The following RABGAP1L variants were observed in gnomAD, a reference collection of about 807,000 sequenced individuals.
The protein encoded by RABGAP1L is rab GTPase-activating protein 1-like.
A neutral mutation model predicts 137.7 loss-of-function variants in RABGAP1L; 63 were observed. The ratio of observed to expected loss-of-function variants is 0.46; its 90% CI spans 0.37 to 0.56. The LOEUF is 0.56. Ranked by LOEUF, RABGAP1L falls within the 20% of genes least tolerant of loss-of-function variation. RABGAP1L has a pLI of 0.00. For synonymous variants in RABGAP1L, 431 were observed against 433.7 expected (o/e 0.99, Z 0.08); for missense variants, 1,095 against 1,244.0 (o/e 0.88, Z 1.80).
At chr1:174,896,745 G>T (rs1237094267) in intron 19 of RABGAP1L, among the ~76,000 whole-genome samples, 1 of 152,100 alleles carries the variant, frequency 6.6e-6, no homozygotes, top group African/African-American at 2.4e-5. Context: ...AGATCAGATG[G>T]TTGTAGATGT....
In RABGAP1L at chr1:174,993,249, A is replaced by C. The variant is rs1672172860; in HGVS notation, c.*3248A>C. ...TTATTTATGAGTGCCTATCAGGAACACTAATAGGAATGCCATTCAACCAGT... is the reference window on the plus strand; with the variant it reads ...TTATTTATGAGTGCCTATCAGGAACCCTAATAGGAATGCCATTCAACCAGT... On this transcript the variant is annotated 3_prime_UTR_variant, in exon 26 of 26. Coordinates refer to ENST00000681986, the MANE Select transcript of RABGAP1L (RefSeq NM_001366446.1). The C allele has an allele frequency of 6.6e-6, 1 of 152,246 alleles. No individual in the cohort carries two copies. The highest frequency in any genetic ancestry group is 2.4e-5 in the African/African-American group (1 of 41,464). The allele number at this position is 152,246 out of a possible 1,614,324, so 9.4% of individuals were successfully genotyped here. A position where few individuals can be genotyped will look rare whatever the true frequency, so the allele number is the denominator to read the frequency against.
At chr1:174,485,365 T>G (rs1183513270) in intron 13 of RABGAP1L, among the ~76,000 whole-genome samples, 2 of 152,180 alleles carry the variant, frequency 1.3e-5, no homozygotes, top group East Asian at 1.9e-4. Flanking sequence ...GCTAGAACTT[T>G]CAGTACTATG....
intron 17 of RABGAP1L, among the ~76,000 whole-genome samples, chr1:174,716,738 C>T (rs1323222334): frequency 1.3e-5 from 2 of 152,082 alleles, no homozygotes; most frequent in Non-Finnish European, 2.9e-5. Context: ...AGTAGTATAG[C>T]CCATTTTGCT....
At chr1:174,779,028 A>G (rs1404947492) in intron 18 of RABGAP1L, among the ~76,000 whole-genome samples, 3 of 152,234 alleles carry the variant, frequency 2.0e-5, no homozygotes, top group Non-Finnish European at 4.4e-5. Context: ...TAAAATCTTC[A>G]GTGGGCCAGG....
At position 174,992,255 on chromosome 1, in the gene RABGAP1L, A is replaced by G. The variant is rs1185377799; in HGVS notation, c.*2254A>G. The G allele has an allele frequency of 6.6e-6, 1 of 152,182 alleles. No homozygotes were observed. The highest frequency in any genetic ancestry group is 6.6e-5 in the Admixed American group (1 of 15,266). 9.4% of individuals were successfully genotyped at this position (152,182 alleles called of 1,614,324 possible). A position where few individuals can be genotyped will look rare whatever the true frequency, so the allele number is the denominator to read the frequency against. ...GGAGTTTGAGACCAGCCTGGCCAAC[A>G]TGGTGAAACCCTATCTCTACTGCAA... On this transcript the variant is annotated 3_prime_UTR_variant, in exon 26 of 26. Coordinates refer to ENST00000681986, the MANE Select transcript of RABGAP1L (RefSeq NM_001366446.1).
At chr1:174,875,431 C>A in intron 19 of RABGAP1L, 1 of 681,266 alleles carries the variant, frequency 1.5e-6, no homozygotes, top group Non-Finnish European at 1.8e-6. Flanking sequence ...GCGGTTATAA[C>A]TCTTGTTTGC....
intron 10 of RABGAP1L, among the ~76,000 whole-genome samples, chr1:174,281,307 G>A (rs1402563586): frequency 1.3e-5 from 2 of 152,204 alleles, no homozygotes; most frequent in East Asian, 1.9e-4. Context: ...TTTACAGAGC[G>A]CTGATTGGTC....
chr1:174,245,321 C>G (rs1021857804), intron 5 of RABGAP1L: 1 of 152,252 alleles, frequency 6.6e-6, no homozygotes, highest in African/African-American at 2.4e-5. Flanking sequence ...ATCCACCTGC[C>G]TGGGCTTCCC....
Position 174,811,914 on chromosome 1 carries a change from C to T in RABGAP1L, c.2294C>T (p.Ala765Val). The T allele has an allele frequency of 1.2e-6, 2 of 1,607,498 alleles. No individual in the cohort carries two copies. The highest frequency in any genetic ancestry group is 1.7e-6 in the Non-Finnish European group (2 of 1,176,710). ...FRVQLPKRYRAEENARRLMEQ... is the reference protein window; with the variant it reads ...FRVQLPKRYRVEENARRLMEQ... ...GTTCAGCTTCCAAAGAGATACAGGGCAGAGGAAAATGCAAGAAGACTGATG... is the reference window on the plus strand; with the variant it reads ...GTTCAGCTTCCAAAGAGATACAGGGTAGAGGAAAATGCAAGAAGACTGATG... Residue 765 changes from alanine to valine, a missense_variant, in exon 19 of 26, where the codon GCA becomes GTA. Physicochemically the swap from Ala to Val is moderately conservative, Grantham distance 64 (BLOSUM62 0). Transcript: ENST00000681986.
At chr1:174,231,834 G>A (rs1327515060) in intron 4 of RABGAP1L, among the ~76,000 whole-genome samples, 1 of 152,106 alleles carries the variant, frequency 6.6e-6, no homozygotes. Flanking sequence ...GAACAGCACC[G>A]AGGGGATGGT....
intron 1 of RABGAP1L, among the ~76,000 whole-genome samples, chr1:174,217,156 G>C (rs1277667645): frequency 6.6e-6 from 1 of 152,122 alleles, no homozygotes; most frequent in Non-Finnish European, 1.5e-5. Context: ...TCCAGGTTTC[G>C]TGTTCAAGTA....
intron 18 of RABGAP1L, among the ~76,000 whole-genome samples, chr1:174,784,410 T>C (rs1179488558): frequency 6.6e-6 from 1 of 152,200 alleles, no homozygotes; most frequent in African/African-American, 2.4e-5. Context: ...CAATTTATTA[T>C]ATTTATCTTA....
chr1:174,341,272 C>T (rs894671326), intron 11 of RABGAP1L, among the ~76,000 whole-genome samples: 8 of 152,268 alleles, frequency 5.3e-5, no homozygotes, highest in East Asian at 1.9e-4. Context: ...TGCCTCACTT[C>T]GCAACTCCCC....
chr1:174,550,881 TATATATATATATATAC>T (rs1399030274), intron 13 of RABGAP1L, among the ~76,000 whole-genome samples: 4 of 70,132 alleles, frequency 5.7e-5, no homozygotes, highest in African/African-American at 2.7e-4. Context: ...TATATATATA[TATATATATATATATAC>T]ACACACACAT....
intron 6 of RABGAP1L, 164 bp from the exon 7 acceptor site, chr1:174,252,312 CAAAT>C: frequency 1.4e-6 from 1 of 699,944 alleles, no homozygotes; most frequent in South Asian, 2.4e-5. Context: ...AGTTTATAGT[CAAAT>C]AAAATTAATA....
At chr1:174,560,715 G>C (rs1162689650) in intron 13 of RABGAP1L, among the ~76,000 whole-genome samples, 3 of 151,984 alleles carry the variant, frequency 2.0e-5, no homozygotes, top group Non-Finnish European at 4.4e-5. Flanking sequence ...CCTCCCCTTC[G>C]CACCCTCCCC....
At chr1:174,837,067 C>T (rs1004483877) in intron 19 of RABGAP1L, among the ~76,000 whole-genome samples, 4 of 152,196 alleles carry the variant, frequency 2.6e-5, no homozygotes, top group African/African-American at 7.2e-5. Flanking sequence ...ATTAGCTGGG[C>T]GTGGTGGCGC....
chr1:174,955,082 G>A (rs980670252), intron 19 of RABGAP1L, among the ~76,000 whole-genome samples: 3 of 152,186 alleles, frequency 2.0e-5, no homozygotes, highest in African/African-American at 7.2e-5. Context: ...CAGTTGGCAG[G>A]TGGTGCTTTC....
chr1:174,176,568 C>T (rs1254645011), intron 1 of RABGAP1L, among the ~76,000 whole-genome samples: 1 of 151,274 alleles, frequency 6.6e-6, no homozygotes, highest in Non-Finnish European at 1.5e-5. Context: ...AAAACTTAGC[C>T]AGGCATGGTG....
Sources: allele counts gnomAD v4.1 joint callset (sites outside exome capture counted in the v4.1 genomes callset), GRCh38; gene constraint gnomAD v4.1.1; transcripts MANE v1.5; gene names NCBI Gene and HGNC (gene_info 2026-07-23, HGNC 2026-07-21).